The following KIF26B variants were observed in gnomAD, a reference collection of about 807,000 sequenced individuals.
The protein encoded by KIF26B is kinesin family member 26B, also known as kinesin-like protein KIF26B.
In KIF26B, 63 loss-of-function variants were observed where a neutral mutation model predicts 151.2. The ratio of observed to expected loss-of-function variants is 0.42; its 90% CI spans 0.34 to 0.51. The LOEUF (loss-of-function observed/expected upper bound fraction) is 0.51. KIF26B is among the 20% of genes least tolerant of loss of function. The probability of loss-of-function intolerance (pLI) is 0.07; values close to 1 mark genes in which losing one functional copy is unlikely to be tolerated. For synonymous variants in KIF26B, 1,357 were observed against 1,262.1 expected, an observed-to-expected ratio of 1.08 and a Z score of -1.59; for missense variants, 2,813 against 2,913.6, an observed-to-expected ratio of 0.97 and a Z score of 0.79.
At chr1:245,366,393 G>A (rs906391484) in intron 2 of KIF26B, among the ~76,000 whole-genome samples, 3 of 151,908 alleles carry the variant, frequency 2.0e-5, no homozygotes, top group South Asian at 2.1e-4. Context: ...TTAGCTGGGC[G>A]TGGTGGTGGG....
intron 10 of KIF26B, among the ~76,000 whole-genome samples, chr1:245,670,578 A>C (rs1390876057): frequency 6.6e-6 from 1 of 152,136 alleles, no homozygotes; most frequent in African/African-American, 2.4e-5. Flanking sequence ...CTTGTATACC[A>C]ATGCTCATAG....
rs557144035 is a variant in KIF26B at position 245,667,333 on chromosome 1, G to A, written c.2259-16900G>A. 6.6e-6 allele frequency among the ~76,000 whole-genome samples: 1 copy of A among 152,188 alleles called. No homozygotes were observed. Among genetic ancestry groups the A allele is most frequent in the South Asian group, 2.1e-4 (1 of 4,810 alleles). ...TGGGACAACAGGCGTGTGCCACCAT[G>A]CCCGGCTACTTTTTTAAATATTTTT... On this transcript the variant is annotated intron_variant, in intron 10 of 14. Transcript: ENST00000407071. This position sits in a 1 kb window ranked among gnomAD's most constrained non-coding sequence, Gnocchi z 4.3.
intron 4 of KIF26B, among the ~76,000 whole-genome samples, chr1:245,479,155 A>T (rs1156285042): frequency 6.6e-6 from 1 of 151,830 alleles, no homozygotes; most frequent in African/African-American, 2.4e-5. Context: ...TTTGGGAATC[A>T]TTGGCATCTA....
chr1:245,529,665 C>G (rs1421049952), intron 4 of KIF26B, among the ~76,000 whole-genome samples: 3 of 152,066 alleles, frequency 2.0e-5, no homozygotes, highest in Non-Finnish European at 4.4e-5. Flanking sequence ...TGGCTTTAAA[C>G]AAAGGAGAAG....
chr1:245,337,518 ATGTGTGTGTG>A lies in KIF26B; in HGVS notation c.466-29287_466-29278del, dbSNP rs74163041. 5.4e-3 allele frequency among the ~76,000 whole-genome samples: 786 copies of A among 145,546 alleles called. 9 individuals are homozygous for A. Among genetic ancestry groups the A allele is most frequent in the African/African-American group, 0.011 (423 of 40,262 alleles). On this transcript the variant is annotated intron_variant, in intron 2 of 14. Coordinates refer to ENST00000407071, the MANE Select transcript of KIF26B (RefSeq NM_018012.4). ...CTGGTGACCTAGAAGTACTTAGGAA[ATGTGTGTGTG>A]TGTGTGTGTGTGTGTGTGTGTGTGT...
intron 2 of KIF26B, among the ~76,000 whole-genome samples, chr1:245,296,452 G>A (rs966965735): frequency 1.3e-5 from 2 of 152,016 alleles, no homozygotes; most frequent in Non-Finnish European, 2.9e-5. Context: ...TCTGAGTGGG[G>A]ATATAAGGGC....
intron 2 of KIF26B, among the ~76,000 whole-genome samples, chr1:245,259,767 G>A (rs1194164756): frequency 6.6e-6 from 1 of 151,724 alleles, no homozygotes; most frequent in African/African-American, 2.4e-5. Flanking sequence ...TGCTGTCTCT[G>A]GAAAAAATAC....
intron 4 of KIF26B, among the ~76,000 whole-genome samples, chr1:245,508,693 C>T (rs552510145): frequency 2.6e-5 from 4 of 152,108 alleles, no homozygotes; most frequent in Non-Finnish European, 4.4e-5. Flanking sequence ...AGTGTAAGTT[C>T]GCTCTTACTT....
At chr1:245,504,464 G>A (rs74663828) in intron 4 of KIF26B, among the ~76,000 whole-genome samples, 23,278 of 146,388 alleles carry the variant, frequency 0.16, 2,235 homozygotes, top group Middle Eastern at 0.32. Flanking sequence ...ACAGGGTCTT[G>A]CTCTGTTACC....
intron 2 of KIF26B, among the ~76,000 whole-genome samples, chr1:245,329,420 A>G (rs1672056628): frequency 6.6e-6 from 1 of 152,242 alleles, no homozygotes. Context: ...TCCTGCCTGC[A>G]GCTCCGGAGC....
In KIF26B at chr1:245,352,456, T is replaced by G. The variant is rs900399479; in HGVS notation, c.466-14378T>G. On this transcript the variant is annotated intron_variant, in intron 2 of 14. Coordinates refer to ENST00000407071, the MANE Select transcript of KIF26B (RefSeq NM_018012.4). This position sits in a 1 kb window ranked among gnomAD's most constrained non-coding sequence, Gnocchi z 5.0. ...TTTTTGTATTTTCAGTAGAGATGGG[T>G]TTTCACAATGTTGGCCAGGTTGGTC... 1.3e-5 allele frequency among the ~76,000 whole-genome samples: 2 copies of G among 152,014 alleles called. No individual in the cohort carries two copies. Among genetic ancestry groups the G allele is most frequent in the African/African-American group, 4.8e-5 (2 of 41,378 alleles).
At chr1:245,525,275 C>T (rs753530690) in intron 4 of KIF26B, among the ~76,000 whole-genome samples, 5 of 152,134 alleles carry the variant, frequency 3.3e-5, no homozygotes, top group African/African-American at 4.8e-5. Context: ...CAAAGGCTCA[C>T]GTAGGAAGTG....
At chr1:245,562,626 A>G (rs1462151542) in intron 5 of KIF26B, among the ~76,000 whole-genome samples, 1 of 120,906 alleles carries the variant, frequency 8.3e-6, no homozygotes, top group Non-Finnish European at 1.6e-5. Context: ...CTGCCTGGCC[A>G]ACTCCTCAAT....
chr1:245,276,978 C>T lies in KIF26B; in HGVS notation c.466-89856C>T, dbSNP rs867002820. On this transcript the variant is annotated intron_variant, in intron 2 of 14. Transcript: ENST00000407071. The stretch of plus-strand genomic sequence containing the variant: ...TTTCAATGATAAGTGTCATGAGAGA[C>T]AGAAATGGAGGAGACACAAACACAG... Among the ~76,000 whole-genome samples, 27 of 151,968 alleles carry T rather than the reference C, an allele frequency of 1.8e-4. 1 individual carries two copies. Among genetic ancestry groups the T allele is most frequent in the South Asian group, 4.2e-4 (2 of 4,816 alleles).
intron 2 of KIF26B, among the ~76,000 whole-genome samples, chr1:245,195,820 T>A: frequency 6.6e-6 from 1 of 152,232 alleles, no homozygotes; most frequent in Non-Finnish European, 1.5e-5. Context: ...AGGATAGGGG[T>A]AATAGGATTG....
chr1:245,208,220 G>A (rs1333895871), intron 2 of KIF26B, among the ~76,000 whole-genome samples: 1 of 152,164 alleles, frequency 6.6e-6, no homozygotes, highest in Non-Finnish European at 1.5e-5. Flanking sequence ...AGCAATGATT[G>A]CACATAATTG....
chr1:245,320,390 T>C (rs575702446), intron 2 of KIF26B, among the ~76,000 whole-genome samples: 1 of 152,384 alleles, frequency 6.6e-6, no homozygotes, highest in Admixed American at 6.5e-5. Flanking sequence ...GTGCCGCCTC[T>C]CGTTCTCCTC....
chr1:245,579,523 G>T (rs1558222837), intron 5 of KIF26B, among the ~76,000 whole-genome samples: 1 of 151,944 alleles, frequency 6.6e-6, no homozygotes, highest in African/African-American at 2.4e-5. Context: ...TAAAAAGGAG[G>T]CTTGGCTGGG....
At chr1:245,406,241 C>T (rs889187643) in intron 3 of KIF26B, among the ~76,000 whole-genome samples, 15 of 152,282 alleles carry the variant, frequency 9.9e-5, no homozygotes, top group African/African-American at 3.4e-4. Flanking sequence ...TCCCTTGTTG[C>T]TCCCACCAAG....
Sources: gnomAD v4.1 joint callset for allele counts (sites outside exome capture counted in the v4.1 genomes callset) on GRCh38, gnomAD v4.1.1 for gene constraint, Gnocchi (gnomAD v3.1) non-coding constraint, MANE v1.5 for transcripts, NCBI Gene and HGNC (gene_info 2026-07-23, HGNC 2026-07-21) for gene names.